The following HMG20A variants were observed in gnomAD, a reference collection of about 807,000 sequenced individuals.
HMG20A encodes high mobility group 20A, also known as high mobility group protein 20A.
In HMG20A, 17 loss-of-function variants were observed where a neutral mutation model predicts 43.9. The observed-to-expected ratio is 0.39, with a 90% CI of 0.27 to 0.58. HMG20A has a LOEUF of 0.58. Ranked by LOEUF, HMG20A falls within the 20% of genes least tolerant of loss-of-function variation. The pLI is 0.59. For missense variants in HMG20A, 341 were observed against 438.2 expected (o/e 0.78, Z 1.98); for synonymous variants, 132 against 147.5 (o/e 0.89, Z 0.76).
the HMG20A span, among the ~76,000 whole-genome samples, chr15:77,506,588 C>G: frequency 4.6e-5 from 7 of 152,184 alleles, no homozygotes; most frequent in African/African-American, 1.7e-4. Context: ...TCTCTTCCTC[C>G]CAAAGTGGGG....
intron 2 of HMG20A, among the ~76,000 whole-genome samples, chr15:77,462,772 C>CTTTTTTTTTTTTTTTTTTTTTTTTT (rs71145836): frequency 5.5e-5 from 7 of 127,782 alleles, no homozygotes; most frequent in Admixed American, 8.1e-5. Flanking sequence ...TTTTCTTTTT[C>CTTTTTTTTTTTTTTTTTTTTTTTTT]TTTTTTTTTT....
At chr15:77,510,017 G>A in the HMG20A span, among the ~76,000 whole-genome samples, 3 of 151,928 alleles carry the variant, frequency 2.0e-5, no homozygotes, top group African/African-American at 7.3e-5. Context: ...TTTCTACCAG[G>A]GTTTCCCATC....
intron 5 of HMG20A, 74 bp from the exon 6 acceptor site, chr15:77,471,709 C>A: frequency 1.1e-6 from 1 of 890,330 alleles, no homozygotes; most frequent in Middle Eastern, 2.9e-4. Context: ...TATAGTTTGG[C>A]AGAGTCGTAT....
chr15:77,429,360 A>G (rs1292576427), intron 1 of HMG20A, among the ~76,000 whole-genome samples: 1 of 152,002 alleles, frequency 6.6e-6, no homozygotes, highest in Non-Finnish European at 1.5e-5. Flanking sequence ...AAAAGAAATG[A>G]TTTCCAGCAC....
chr15:77,421,306 A>G (rs950347708), intron 1 of HMG20A, among the ~76,000 whole-genome samples: 1 of 151,940 alleles, frequency 6.6e-6, no homozygotes, highest in African/African-American at 2.4e-5. Context: ...CAGCTTGGGG[A>G]TTGTGTTTTA....
intron 1 of HMG20A, among the ~76,000 whole-genome samples, chr15:77,425,442 A>G (rs368688989): frequency 2.6e-5 from 4 of 152,252 alleles, no homozygotes; most frequent in African/African-American, 9.6e-5. Flanking sequence ...GCTATCATAC[A>G]TTAGACACTC....
intron 1 of HMG20A, among the ~76,000 whole-genome samples, chr15:77,424,295 A>C (rs2073402626): frequency 1.3e-5 from 2 of 152,146 alleles, no homozygotes; most frequent in Non-Finnish European, 2.9e-5. Flanking sequence ...TTTTCCTACC[A>C]TTCTAGCTTC....
Position 77,474,907 on chromosome 15 carries a change from C to G in HMG20A, c.616-2648C>G, listed in dbSNP as rs573717890. On this transcript the variant is annotated intron_variant, in intron 6 of 9. Coordinates refer to ENST00000336216, the MANE Select transcript of HMG20A (RefSeq NM_001304504.2). ...GGCCTCTTTTCTCTTAACCTCCACT[C>G]AATATATAGAATGGAAACCAAAGTG... Among the ~76,000 whole-genome samples the G allele has an allele frequency of 2.1e-4, 32 of 152,230 alleles. No homozygotes were observed. In the South Asian group the frequency reaches 4.8e-3, roughly 23 times the overall value.
chr15:77,434,104 G>A (rs1010561145), intron 1 of HMG20A, among the ~76,000 whole-genome samples: 1 of 152,146 alleles, frequency 6.6e-6, no homozygotes, highest in African/African-American at 2.4e-5. Flanking sequence ...TATGACAACA[G>A]TAGCATCCAC....
chr15:77,473,037 G>A (rs1177975117), intron 6 of HMG20A, among the ~76,000 whole-genome samples: 1 of 152,188 alleles, frequency 6.6e-6, no homozygotes, highest in Admixed American at 6.5e-5. Context: ...AGAATTTTCT[G>A]ATGTACTCTT....
the HMG20A span, among the ~76,000 whole-genome samples, chr15:77,516,256 A>C: frequency 6.6e-6 from 1 of 152,052 alleles, no homozygotes; most frequent in East Asian, 1.9e-4. Context: ...ATCGCTGGCA[A>C]CGATGGCATG....
At chr15:77,435,527 C>G (rs552941524) in intron 1 of HMG20A, among the ~76,000 whole-genome samples, 1 of 152,222 alleles carries the variant, frequency 6.6e-6, no homozygotes, top group Non-Finnish European at 1.5e-5. Flanking sequence ...CACCTGACCT[C>G]AAGTGATCCG....
intron 1 of HMG20A, among the ~76,000 whole-genome samples, chr15:77,442,078 C>T (rs1178753293): frequency 6.6e-6 from 1 of 152,130 alleles, no homozygotes; most frequent in East Asian, 1.9e-4. Flanking sequence ...TTACCAAAAG[C>T]TTGTTACTTT....
At chr15:77,492,382 T>C in the HMG20A span, among the ~76,000 whole-genome samples, 1 of 152,172 alleles carries the variant, frequency 6.6e-6, no homozygotes, top group Non-Finnish European at 1.5e-5. Flanking sequence ...TCAAAAGAAA[T>C]GCAAATTTTC....
At chr15:77,508,622 G>A in the HMG20A span, among the ~76,000 whole-genome samples, 1 of 152,308 alleles carries the variant, frequency 6.6e-6, no homozygotes, top group African/African-American at 2.4e-5. Context: ...CTTGTGCCCA[G>A]GAATCCACAC....
At chr15:77,500,785 T>C in the HMG20A span, among the ~76,000 whole-genome samples, 2 of 152,232 alleles carry the variant, frequency 1.3e-5, no homozygotes, top group African/African-American at 4.8e-5. Flanking sequence ...GCCAGGCTGG[T>C]CTTGAACTCC....
chr15:77,510,423 G>A, the HMG20A span, among the ~76,000 whole-genome samples: 14 of 152,344 alleles, frequency 9.2e-5, no homozygotes, highest in Non-Finnish European at 1.6e-4. Flanking sequence ...TATTCCAGGG[G>A]CCAGGATGAA....
At chr15:77,503,788 T>C in the HMG20A span, among the ~76,000 whole-genome samples, 1 of 152,184 alleles carries the variant, frequency 6.6e-6, no homozygotes, top group African/African-American at 2.4e-5. Flanking sequence ...AGATTTTGAT[T>C]CAGTCACTCT....
chr15:77,433,911 CAT>C (rs966977169), intron 1 of HMG20A, among the ~76,000 whole-genome samples: 12 of 152,174 alleles, frequency 7.9e-5, no homozygotes, highest in African/African-American at 2.9e-4. Flanking sequence ...CTAAAATTCA[CAT>C]AGACATGAAA....
Sources: allele counts gnomAD v4.1 joint callset (sites outside exome capture counted in the v4.1 genomes callset), GRCh38; gene constraint gnomAD v4.1.1; transcripts MANE v1.5; gene names NCBI Gene and HGNC (gene_info 2026-07-23, HGNC 2026-07-21).